The following IGFBP7 variants were observed in gnomAD, a reference collection of about 807,000 sequenced individuals.
The protein encoded by IGFBP7 is insulin like growth factor binding protein 7.
A neutral mutation model predicts 29.4 loss-of-function variants in IGFBP7; 31 were observed. The observed-to-expected ratio is 1.05, with a 90% CI of 0.79 to 1.42. The LOEUF (loss-of-function observed/expected upper bound fraction) is 1.42, where lower values mean the gene tolerates loss of function less well. IGFBP7 is among the 40% of genes most tolerant of loss of function. The probability of loss-of-function intolerance (pLI) is 0.00; values close to 1 mark genes in which losing one functional copy is unlikely to be tolerated. For missense variants in IGFBP7, 393 were observed against 395.5 expected, an observed-to-expected ratio of 0.99 and a Z score of 0.05; for synonymous variants, 172 against 174.9, an observed-to-expected ratio of 0.98 and a Z score of 0.13.
At chr4:57,063,811 C>T (rs1289472973) in intron 1 of IGFBP7, among the ~76,000 whole-genome samples, 1 of 152,072 alleles carries the variant, frequency 6.6e-6, no homozygotes, top group Non-Finnish European at 1.5e-5. Flanking sequence ...AATAAAATGA[C>T]CAGAGTTGCT....
chr4:57,105,736 CTT>C (rs951038452), intron 1 of IGFBP7, among the ~76,000 whole-genome samples: 1 of 152,108 alleles, frequency 6.6e-6, no homozygotes, highest in African/African-American at 2.4e-5. Flanking sequence ...TATACTGCCT[CTT>C]ATATACAGAT....
chr4:57,056,631 ATAAGGAATTTACCATTTAG>A (rs753461990), intron 1 of IGFBP7, among the ~76,000 whole-genome samples: 19 of 152,224 alleles, frequency 1.2e-4, no homozygotes, highest in Admixed American at 4.6e-4. Context: ...AAGGCTTTGC[ATAAGGAATTTACCATTTAG>A]CAAGGCAAGT....
At chr4:57,061,062 AC>A (rs1553914926) in intron 1 of IGFBP7, among the ~76,000 whole-genome samples, 17,232 of 85,592 alleles carry the variant, frequency 0.2, 1,094 homozygotes, top group Non-Finnish European at 0.25. Context: ...TCTCTGAAAA[AC>A]AAAAAAAATT....
intron 4 of IGFBP7, 95 bp from the exon 5 acceptor site, chr4:57,031,431 A>G (rs1723924203): frequency 3.4e-6 from 3 of 883,176 alleles, no homozygotes; most frequent in East Asian, 2.4e-5. Flanking sequence ...AAATAAATGA[A>G]GATGTTAAAA....
intron 1 of IGFBP7, among the ~76,000 whole-genome samples, chr4:57,107,441 T>C (rs1434925897): frequency 1.3e-5 from 2 of 152,224 alleles, no homozygotes; most frequent in Non-Finnish European, 2.9e-5. Context: ...AGCCCCAGTA[T>C]GAAATGGCAC....
chr4:57,039,784 C>A (rs899865140), intron 2 of IGFBP7, among the ~76,000 whole-genome samples: 1 of 150,218 alleles, frequency 6.7e-6, no homozygotes, highest in Non-Finnish European at 1.5e-5. Context: ...CTCACCATGC[C>A]CAGCTAATTA....
chr4:57,031,161 G>A lies in IGFBP7; in HGVS notation c.*156C>T. The A allele has an allele frequency of 1.3e-6, 1 of 749,528 alleles. No homozygotes were observed. Among genetic ancestry groups the A allele is most frequent in the African/African-American group, 1.8e-5 (1 of 56,416 alleles). The allele number at this position is 749,528 out of a possible 1,614,324, so 46.4% of individuals were successfully genotyped here. On this transcript the variant is annotated 3_prime_UTR_variant, in exon 5 of 5. Transcript: ENST00000295666. ...ATAATAAATTTTTGTAGATAGTCTT[G>A]ATGTGTGATCTTTATTTTGTATTTC... is the stretch of plus-strand genomic sequence containing the variant.
intron 1 of IGFBP7, among the ~76,000 whole-genome samples, chr4:57,051,611 G>A (rs1431065372): frequency 2.6e-5 from 4 of 152,272 alleles, no homozygotes; most frequent in Middle Eastern, 3.4e-3. Flanking sequence ...GAGGCTTAGC[G>A]CATTAAGAGT....
intron 1 of IGFBP7, among the ~76,000 whole-genome samples, chr4:57,078,840 T>C (rs1052445950): frequency 8.7e-6 from 1 of 115,348 alleles, no homozygotes; most frequent in Non-Finnish European, 2.1e-5. Flanking sequence ...GGAGATTTCT[T>C]GAACAATAGA....
intron 1 of IGFBP7, among the ~76,000 whole-genome samples, chr4:57,063,069 G>T (rs1180470754): frequency 6.6e-6 from 1 of 152,106 alleles, no homozygotes; most frequent in African/African-American, 2.4e-5. Context: ...CCTCAAGCAT[G>T]TCTTGCCCTC....
intron 1 of IGFBP7, among the ~76,000 whole-genome samples, chr4:57,065,125 T>C (rs1724886961): frequency 6.6e-6 from 1 of 152,216 alleles, no homozygotes; most frequent in Non-Finnish European, 1.5e-5. Context: ...TTAGGGAACA[T>C]CACAAAACGT....
In IGFBP7 at chr4:57,050,720, G is replaced by T. The variant is rs1031881221; in HGVS notation, c.476-9787C>A. On this transcript the variant is annotated intron_variant, in intron 1 of 4. Transcript: ENST00000295666. The stretch of plus-strand genomic sequence containing the variant: ...CAACCATGCCCGGCTAATTAAAAAA[G>T]AATTTTTTTTTTTTTTTTGTAGAGA... Among the ~76,000 whole-genome samples, 275 of 134,920 alleles carry T rather than the reference G, an allele frequency of 2.0e-3. 1 individual carries two copies. Among genetic ancestry groups the T allele is most frequent in the African/African-American group, 7.1e-3 (251 of 35,468 alleles). 88.5% of individuals were successfully genotyped at this position (134,920 alleles called of 152,430 possible). A position where few individuals can be genotyped will look rare whatever the true frequency, so the allele number is the denominator to read the frequency against.
chr4:57,054,639 C>CAAAAAAAAAAAAAAAAAAA (rs75161514), intron 1 of IGFBP7, among the ~76,000 whole-genome samples: 20 of 27,770 alleles, frequency 7.2e-4, no homozygotes, highest in Non-Finnish European at 7.8e-4. Context: ...CTCTCTCTCA[C>CAAAAAAAAAAAAAAAAAAA]AAAAAAAAAA....
chr4:57,063,843 T>C (rs1724852680), intron 1 of IGFBP7, among the ~76,000 whole-genome samples: 1 of 152,228 alleles, frequency 6.6e-6, no homozygotes, highest in Non-Finnish European at 1.5e-5. Flanking sequence ...TTTACCCTTA[T>C]ACTAACATAG....
chr4:57,066,564 TTTAAG>T (rs1164353795), intron 1 of IGFBP7, among the ~76,000 whole-genome samples: 1 of 152,102 alleles, frequency 6.6e-6, no homozygotes, highest in African/African-American at 2.4e-5. Flanking sequence ...TTCCTTTAGT[TTTAAG>T]TTTTTTTTTT....
chr4:57,109,611 T>C (rs1485279321), intron 1 of IGFBP7, among the ~76,000 whole-genome samples: 1 of 152,126 alleles, frequency 6.6e-6, no homozygotes, highest in East Asian at 1.9e-4. Context: ...CGGAAAATCT[T>C]TTCTACATAT....
chr4:57,052,650 C>A (rs1288442218), intron 1 of IGFBP7, among the ~76,000 whole-genome samples: 1 of 152,142 alleles, frequency 6.6e-6, no homozygotes, highest in Non-Finnish European at 1.5e-5. Context: ...GCTTAGCTTC[C>A]AGGCACGTAT....
intron 1 of IGFBP7, among the ~76,000 whole-genome samples, chr4:57,052,596 C>T (rs1025736659): frequency 2.6e-5 from 4 of 152,100 alleles, no homozygotes; most frequent in Non-Finnish European, 5.9e-5. Flanking sequence ...TGGCCCGTCC[C>T]CACCCCACCC....
At chr4:57,072,626 C>T in intron 1 of IGFBP7, 1 of 256,542 alleles carries the variant, frequency 3.9e-6, no homozygotes, top group South Asian at 3.7e-5. Context: ...TTGACCCAGC[C>T]ACCACCAGCG....
Sources: gnomAD v4.1 joint callset for allele counts (sites outside exome capture counted in the v4.1 genomes callset) on GRCh38, gnomAD v4.1.1 for gene constraint, MANE v1.5 for transcripts, NCBI Gene and HGNC (gene_info 2026-07-23, HGNC 2026-07-21) for gene names.